EIF4G3: variants seen among roughly 807,000 people sequenced by gnomAD.
EIF4G3 encodes the protein eIF-4-gamma 3.
In EIF4G3, 34 loss-of-function variants were observed where a neutral mutation model predicts 186.4. That is an observed-to-expected ratio of 0.18 (90% CI 0.14 to 0.24). The LOEUF is 0.24. EIF4G3 is among the 10% of genes least tolerant of loss of function. The pLI, the probability that EIF4G3 is intolerant of heterozygous loss-of-function variation, is 1.00. For missense variants in EIF4G3, 1,536 were observed against 1,948.5 expected (o/e 0.79, Z 3.99); for synonymous variants, 673 against 679.5 (o/e 0.99, Z 0.15).
intron 4 of EIF4G3, among the ~76,000 whole-genome samples, chr1:21,029,311 T>C (rs373885500): frequency 6.6e-6 from 1 of 152,076 alleles, no homozygotes; most frequent in African/African-American, 2.4e-5. Context: ...TGAGCCACCA[T>C]GCCTGGCCCC....
At chr1:21,076,805 T>C (rs767177122) in intron 3 of EIF4G3, among the ~76,000 whole-genome samples, 1 of 152,080 alleles carries the variant, frequency 6.6e-6, no homozygotes, top group Non-Finnish European at 1.5e-5. Context: ...ATGGACTAAA[T>C]ATTTAAATGT....
chr1:21,142,737 T>C (rs557722792), intron 2 of EIF4G3, among the ~76,000 whole-genome samples: 1 of 152,092 alleles, frequency 6.6e-6, no homozygotes, highest in Admixed American at 6.6e-5. Context: ...CTATAATTTA[T>C]CCCCAAAAAT....
intron 14 of EIF4G3, among the ~76,000 whole-genome samples, chr1:20,931,860 G>A (rs1435530817): frequency 6.6e-6 from 1 of 151,860 alleles, no homozygotes; most frequent in Admixed American, 6.6e-5. Context: ...GGGAGGCGGA[G>A]GTTGCAGTGA....
chr1:20,929,235 C>G (rs2095154192), intron 14 of EIF4G3: 1 of 152,166 alleles, frequency 6.6e-6, no homozygotes, highest in Non-Finnish European at 1.5e-5. Flanking sequence ...CCTGCCAAAG[C>G]AGGAAGTTAA....
chr1:20,929,331 T>C (rs2095161612), intron 14 of EIF4G3: 1 of 152,152 alleles, frequency 6.6e-6, no homozygotes, highest in Admixed American at 6.6e-5. Context: ...ACAGCAGAGG[T>C]CACCTTGAGA....
At chr1:20,905,029 AG>A in intron 14 of EIF4G3, 58 bp from the exon 15 acceptor site, 1 of 1,289,404 alleles carries the variant, frequency 7.8e-7, no homozygotes, top group South Asian at 1.2e-5. Flanking sequence ...GAGAAATATT[AG>A]GTCTAAGTGA....
Position 20,817,407 on chromosome 1 carries a change from G to C in EIF4G3, c.4500C>G (p.Ile1500Met). The C allele has an allele frequency of 6.3e-7, 1 of 1,597,222 alleles. No homozygotes were observed. The highest frequency in any genetic ancestry group is 8.5e-7 in the Non-Finnish European group (1 of 1,170,168). ...GTCTTTATACCTCTACCCAGTCAAA[G>C]ATCTGTTCATCATTCGCTTTGTCCT... ...IIEDKANDEQ[I>M]FDWVEANLDE... The change falls in exon 34 of 37, where the codon ATC becomes ATG. Residue 1500 changes from isoleucine (I) to methionine (M), a missense_variant. By Grantham distance (10) the Ile-to-Met change is conservative. Around this residue, in one of 11 missense-constraint regions of EIF4G3, gnomAD observed 395 missense variants for 498.9 expected, o/e 0.79. Transcript: ENST00000602326.
At chr1:20,882,044 T>C (rs2082487681) in intron 19 of EIF4G3, among the ~76,000 whole-genome samples, 1 of 151,894 alleles carries the variant, frequency 6.6e-6, no homozygotes, top group African/African-American at 2.4e-5. Flanking sequence ...GCACCTGTAG[T>C]CCTAGCTACT....
chr1:21,091,413 G>A (rs575019358), intron 2 of EIF4G3, among the ~76,000 whole-genome samples: 9 of 151,830 alleles, frequency 5.9e-5, no homozygotes, highest in South Asian at 2.1e-4. Context: ...CACCCACCTC[G>A]GCCTCCCAAA....
downstream of EIF4G3, chr1:20,806,299 T>C (rs2058124249): frequency 6.6e-6 from 1 of 152,552 alleles, no homozygotes; most frequent in Non-Finnish European, 1.5e-5. Flanking sequence ...GACATATACA[T>C]ACATACATGT....
At chr1:21,162,181 CT>C (rs2097778419) in intron 2 of EIF4G3, 1 of 152,168 alleles carries the variant, frequency 6.6e-6, no homozygotes, top group African/African-American at 2.4e-5. Context: ...CCATGTCTGT[CT>C]TTTATAATAA....
intron 3 of EIF4G3, among the ~76,000 whole-genome samples, chr1:21,077,014 C>G (rs369229070): frequency 1.3e-5 from 2 of 151,950 alleles, no homozygotes; most frequent in Non-Finnish European, 1.5e-5. Context: ...ACTTACAGAA[C>G]GGGAGAAAAT....
intron 15 of EIF4G3, among the ~76,000 whole-genome samples, chr1:20,902,581 A>T (rs1056698592): frequency 6.6e-6 from 1 of 152,236 alleles, no homozygotes. Context: ...GATTTCTGAA[A>T]GAAGTCACTA....
rs1009314468 is a variant in EIF4G3 at position 21,089,124 on chromosome 1, C to T, written c.-196+14G>A. The T allele has an allele frequency of 1.4e-6, 1 of 716,204 alleles. No homozygotes were observed. Among genetic ancestry groups the T allele is most frequent in the Admixed American group, 2.0e-5 (1 of 49,732 alleles). 44.4% of individuals were successfully genotyped at this position (716,204 alleles called of 1,614,324 possible). On this transcript the variant is annotated intron_variant, in intron 3 of 36. Transcript: ENST00000602326. ...AAAAGCACACACACAATTTGACAAC[C>T]TTCAGACACTCACCGTGCTGTAGAC...
At position 20,914,955 on chromosome 1, in the gene EIF4G3, G is replaced by A. The variant is rs561337622; in HGVS notation, c.1664-9984C>T. 2.0e-5 allele frequency among the ~76,000 whole-genome samples: 3 copies of A among 152,250 alleles called. No homozygotes were observed. In the South Asian group the frequency reaches 6.2e-4, roughly 32 times the overall value. On this transcript the variant is annotated intron_variant, in intron 14 of 36. Coordinates refer to ENST00000602326, the MANE Select transcript of EIF4G3 (RefSeq NM_001391906.1). Reference sequence around the variant, plus strand: ...GCTGACTATGCTATTCCAGCTCCTAGGTCCTTACTAGTTTTCTGTTTACTG... The same window carrying A: ...GCTGACTATGCTATTCCAGCTCCTAAGTCCTTACTAGTTTTCTGTTTACTG...
At chr1:20,963,046 C>T (rs905007770) in intron 12 of EIF4G3, among the ~76,000 whole-genome samples, 2 of 151,574 alleles carry the variant, frequency 1.3e-5, no homozygotes, top group African/African-American at 4.9e-5. Flanking sequence ...ACCACCATGT[C>T]CAGATTGCAT....
chr1:21,081,681 T>C (rs979524097), intron 3 of EIF4G3, among the ~76,000 whole-genome samples: 2 of 149,650 alleles, frequency 1.3e-5, no homozygotes, highest in Non-Finnish European at 3.0e-5. Flanking sequence ...CTTGCTCTAT[T>C]GCCCAAGCTG....
intron 2 of EIF4G3, among the ~76,000 whole-genome samples, chr1:21,132,552 A>G (rs574880736): frequency 2.0e-5 from 3 of 151,756 alleles, no homozygotes; most frequent in East Asian, 3.9e-4. Flanking sequence ...CTCCCACCTC[A>G]GCCTCCCAAG....
intron 2 of EIF4G3, among the ~76,000 whole-genome samples, chr1:21,121,707 G>A (rs962780884): frequency 4.6e-5 from 7 of 151,712 alleles, no homozygotes; most frequent in South Asian, 2.1e-4. Context: ...CCTGGGAGGC[G>A]GAGGTTGCAG....
Sources: allele counts gnomAD v4.1 joint callset (sites outside exome capture counted in the v4.1 genomes callset), GRCh38; gene constraint gnomAD v4.1.1; regional missense constraint gnomAD v4.1.1; transcripts MANE v1.5; gene names NCBI Gene and HGNC (gene_info 2026-07-23, HGNC 2026-07-21).